The following FAR2 variants were observed in gnomAD, a reference collection of about 807,000 sequenced individuals.
The protein encoded by FAR2 is epididymis secretory protein Li 81.
A neutral mutation model predicts 56.0 loss-of-function variants in FAR2; 19 were observed. That is an observed-to-expected ratio of 0.34 (90% CI 0.24 to 0.50). The LOEUF is 0.50. Ranked by LOEUF, FAR2 falls within the 20% of genes least tolerant of loss-of-function variation. The pLI is 0.98. For missense variants in FAR2, 508 were observed against 642.2 expected (o/e 0.79, Z 2.26); for synonymous variants, 219 against 218.8 (o/e 1.00, Z -0.01).
chr12:29,296,758 C>G (rs1949078585), intron 3 of FAR2, among the ~76,000 whole-genome samples: 1 of 152,274 alleles, frequency 6.6e-6, no homozygotes, highest in African/African-American at 2.4e-5. Context: ...AATTCTTTTT[C>G]CGGTTGATTA....
chr12:29,273,525 G>A (rs2136711548), intron 2 of FAR2, among the ~76,000 whole-genome samples: 1 of 152,336 alleles, frequency 6.6e-6, no homozygotes, highest in Non-Finnish European at 1.5e-5. Context: ...CAGGGGAAAA[G>A]CACAGCCTGG....
chr12:29,259,513 C>T (rs1948382339), intron 1 of FAR2, among the ~76,000 whole-genome samples: 1 of 152,132 alleles, frequency 6.6e-6, no homozygotes, highest in South Asian at 2.1e-4. Flanking sequence ...TAAGAACCAC[C>T]TAAAGAATAA....
intron 2 of FAR2, among the ~76,000 whole-genome samples, chr12:29,284,233 A>C (rs149644339): frequency 7.5e-4 from 114 of 152,350 alleles, no homozygotes; most frequent in Middle Eastern, 6.8e-3. Flanking sequence ...CATTGAGATA[A>C]TACCAAAAAT....
At chr12:29,266,169 A>G (rs977390381) in intron 1 of FAR2, among the ~76,000 whole-genome samples, 2 of 152,184 alleles carry the variant, frequency 1.3e-5, no homozygotes, top group Non-Finnish European at 2.9e-5. Flanking sequence ...ATATACCCCG[A>G]TGAAAGGAAA....
At chr12:29,208,030 C>G (rs1243419750) in intron 1 of FAR2, among the ~76,000 whole-genome samples, 1 of 152,078 alleles carries the variant, frequency 6.6e-6, no homozygotes, top group African/African-American at 2.4e-5. Context: ...ACCGAGATCC[C>G]CATCCCTATG....
chr12:29,305,164 G>T (rs1394064931), intron 4 of FAR2, among the ~76,000 whole-genome samples: 2 of 151,538 alleles, frequency 1.3e-5, no homozygotes, highest in African/African-American at 4.8e-5. Context: ...TTGAGACAGG[G>T]TCTCTGTCAC....
At chr12:29,189,338 G>C (rs1011676496) in intron 1 of FAR2, among the ~76,000 whole-genome samples, 1 of 152,008 alleles carries the variant, frequency 6.6e-6, no homozygotes, top group Non-Finnish European at 1.5e-5. Context: ...TTCCAGCTTT[G>C]GCTGGTGGGA....
intron 10 of FAR2, among the ~76,000 whole-genome samples, chr12:29,328,412 C>G (rs1191506816): frequency 3.3e-5 from 5 of 152,056 alleles, no homozygotes; most frequent in Non-Finnish European, 7.4e-5. Context: ...TGGGTATATA[C>G]CCAAAGGATT....
intron 1 of FAR2, among the ~76,000 whole-genome samples, chr12:29,156,207 T>A (rs773030534): frequency 3.2e-4 from 49 of 152,196 alleles, no homozygotes; most frequent in Non-Finnish European, 4.7e-4. Context: ...TAGTCAATGA[T>A]AATGTACATT....
chr12:29,214,852 TA>T (rs965697270), intron 1 of FAR2, among the ~76,000 whole-genome samples: 51 of 148,276 alleles, frequency 3.4e-4, no homozygotes, highest in Non-Finnish European at 5.6e-4. Flanking sequence ...TAATAATAAT[TA>T]AAAAAATAAA....
rs762909775 is a variant in FAR2, at chr12:29,311,160, A to C, written c.887+14A>C. 4.8e-5 allele frequency: 76 copies of C among 1,583,902 alleles called. No homozygotes were observed. Among genetic ancestry groups the C allele is most frequent in the East Asian group, 2.7e-4 (12 of 44,732 alleles). The stretch of plus-strand genomic sequence containing the variant: ...TGCAGTTCACAGGTGTGGATGCTCA[A>C]GTGGGCTTTCAAAGACTTCATGAGG... On this transcript the variant is annotated intron_variant, in intron 7 of 11. Coordinates refer to ENST00000536681, the MANE Select transcript of FAR2 (RefSeq NM_001271783.2).
intron 4 of FAR2, among the ~76,000 whole-genome samples, chr12:29,300,077 G>C (rs1949137938): frequency 6.6e-6 from 1 of 152,214 alleles, no homozygotes; most frequent in Admixed American, 6.5e-5. Context: ...CTCACTGAAT[G>C]AATGAAAAGC....
At chr12:29,160,832 A>G (rs1949775882) in intron 1 of FAR2, among the ~76,000 whole-genome samples, 1 of 151,316 alleles carries the variant, frequency 6.6e-6, no homozygotes, top group Non-Finnish European at 1.5e-5. Context: ...ACCCCCCCCC[A>G]CTCCAGTATG....
At position 29,321,938 on chromosome 12, in the gene FAR2, T is replaced by C. The variant is rs200130189; in HGVS notation, c.1257+14T>C. On this transcript the variant is annotated intron_variant, in intron 10 of 11. Coordinates refer to ENST00000536681, the MANE Select transcript of FAR2 (RefSeq NM_001271783.2). ...GAAGACCAGAGAGTAAGTAGAGCACTGACTTAAGCACCAGGAAAATGCTAC... is the reference window on the plus strand; with the variant it reads ...GAAGACCAGAGAGTAAGTAGAGCACCGACTTAAGCACCAGGAAAATGCTAC... 2.2e-5 allele frequency: 35 copies of C among 1,599,308 alleles called. No individual in the cohort carries two copies. In the African/African-American group the frequency reaches 4.7e-4, roughly 22 times the overall value.
intron 1 of FAR2, among the ~76,000 whole-genome samples, chr12:29,200,960 G>A (rs940684638): frequency 2.6e-5 from 4 of 152,272 alleles, no homozygotes; most frequent in African/African-American, 9.6e-5. Context: ...ACTGGCAGAG[G>A]AGAATATCTG....
chr12:29,183,722 G>A (rs886610640), intron 1 of FAR2, among the ~76,000 whole-genome samples: 7 of 152,180 alleles, frequency 4.6e-5, no homozygotes, highest in African/African-American at 1.7e-4. Context: ...TCGTACTGAA[G>A]ATAAAATGGA....
chr12:29,291,632 G>A (rs1948969537), intron 2 of FAR2: 4 of 340,800 alleles, frequency 1.2e-5, no homozygotes, highest in Non-Finnish European at 2.3e-5. Flanking sequence ...TAGGACCCAG[G>A]AATATACATT....
chr12:29,162,726 A>G (rs1949793336), intron 1 of FAR2, among the ~76,000 whole-genome samples: 1 of 151,930 alleles, frequency 6.6e-6, no homozygotes, highest in South Asian at 2.1e-4. Context: ...TTATTAAGGA[A>G]GGCAAATGAA....
intron 1 of FAR2, among the ~76,000 whole-genome samples, chr12:29,174,899 T>C (rs1332422474): frequency 6.6e-6 from 1 of 152,104 alleles, no homozygotes; most frequent in African/African-American, 2.4e-5. Context: ...CAACTTGTTG[T>C]TGGGACCCCG....
Sources: gnomAD v4.1 joint callset for allele counts (sites outside exome capture counted in the v4.1 genomes callset) on GRCh38, gnomAD v4.1.1 for gene constraint, MANE v1.5 for transcripts, NCBI Gene and HGNC (gene_info 2026-07-23, HGNC 2026-07-21) for gene names.